IGBP1: variants seen among roughly 807,000 people sequenced by gnomAD.
IGBP1 encodes the protein immunoglobulin binding protein 1, also known as immunoglobulin-binding protein 1.
Under a neutral mutation model 25.9 loss-of-function variants are expected in IGBP1, and 2 were observed. The ratio of observed to expected loss-of-function variants is 0.08; its 90% CI spans 0.03 to 0.24. IGBP1 has a LOEUF of 0.24. Among genes scored for constraint, IGBP1 ranks in the 10% least tolerant of loss-of-function variants. The pLI is 1.00. For synonymous variants in IGBP1, 96 were observed against 93.4 expected (o/e 1.03, Z -0.16); for missense variants, 187 against 260.4 (o/e 0.72, Z 1.94).
rs912208549 is a variant in IGBP1 at position 70,133,504 on chromosome X, G to A, written c.-262G>A. 5.0e-5 allele frequency: 15 copies of A among 302,362 alleles called. No individual in the cohort carries two copies. Among genetic ancestry groups the A allele is most frequent in the African/African-American group, 4.1e-4 (15 of 36,700 alleles). 24.9% of individuals were successfully genotyped at this position (302,362 alleles called of 1,213,427 possible). On this transcript the variant is annotated 5_prime_UTR_variant, in exon 1 of 7. Transcript: ENST00000356413. ...CCGTGGGAGTGGTGCGGCGGCTAGA[G>A]TCCCTGGACTCCTCAACCTAGGGAG...
chrX:70,166,076 G>A lies in IGBP1; in HGVS notation c.*95G>A. ...CTCCCTGGTCTCCTGCTTCAGCTCT[G>A]TACAACGAGGGCAAAGATGCTAAAT... On this transcript the variant is annotated 3_prime_UTR_variant, in exon 7 of 7. Coordinates refer to ENST00000356413, the MANE Select transcript of IGBP1 (RefSeq NM_001551.3). The A allele has an allele frequency of 1.1e-6, 1 of 877,077 alleles. No homozygotes were observed. Among genetic ancestry groups the A allele is most frequent in the East Asian group, 3.2e-5 (1 of 31,351 alleles). 72.3% of individuals were successfully genotyped at this position (877,077 alleles called of 1,213,427 possible).
chrX:70,150,969 T>C (rs1170913078), intron 6 of IGBP1, among the ~76,000 whole-genome samples: 6 of 111,163 alleles, frequency 5.4e-5, no homozygotes, highest in African/African-American at 1.3e-4. Context: ...ACTTTTTTTT[T>C]TTTTTTTTGA....
At chrX:70,162,574 A>G (rs1397186933) in intron 6 of IGBP1, among the ~76,000 whole-genome samples, 1 of 112,689 alleles carries the variant, frequency 8.9e-6, no homozygotes, top group Non-Finnish European at 1.9e-5. Context: ...GAGGTTGATG[A>G]TAAGAAACTG....
chrX:70,133,695 G>A (rs1443082126), intron 1 of IGBP1, 28 bp from the exon 2 acceptor site: 5 of 436,317 alleles, frequency 1.1e-5, no homozygotes, highest in African/African-American at 9.9e-5. Flanking sequence ...AGCGCCTAGG[G>A]TTTTGCTTGT....
At chrX:70,154,325 G>A (rs1209907721) in intron 6 of IGBP1, among the ~76,000 whole-genome samples, 1 of 106,299 alleles carries the variant, frequency 9.4e-6, no homozygotes, top group African/African-American at 3.4e-5. Context: ...GCCCGCCTCG[G>A]CCTCCCAAAG....
At chrX:70,140,235 G>A (rs1007302707) in intron 3 of IGBP1, among the ~76,000 whole-genome samples, 1 of 112,063 alleles carries the variant, frequency 8.9e-6, no homozygotes, top group African/African-American at 3.2e-5. Flanking sequence ...ACTATGTTAT[G>A]CCTGCCATAG....
At position 70,140,209 on chromosome X, in the gene IGBP1, A is replaced by G. The variant is rs1184276798; in HGVS notation, c.482+5393A>G. ...TACAGTATATACTCTATGAGGGCAC[A>G]AGCCATTTCTTGTTCACTATGTTAT... is the stretch of plus-strand genomic sequence containing the variant. On this transcript the variant is annotated intron_variant, in intron 3 of 6. Transcript: ENST00000356413. Among the ~76,000 whole-genome samples, 4 of 112,421 alleles carry G rather than the reference A, an allele frequency of 3.6e-5. No individual in the cohort carries two copies. The East Asian group carries it at 1.1e-3, about 31-fold the overall frequency.
chrX:70,154,851 C>A (rs1275725842), intron 6 of IGBP1, among the ~76,000 whole-genome samples: 1 of 108,674 alleles, frequency 9.2e-6, no homozygotes, highest in Non-Finnish European at 1.9e-5. Context: ...GAGCTATTAT[C>A]GTGCCCCTGC....
At chrX:70,160,000 G>A (rs2085262588) in intron 6 of IGBP1, among the ~76,000 whole-genome samples, 1 of 111,442 alleles carries the variant, frequency 9.0e-6, no homozygotes, top group East Asian at 2.9e-4. Context: ...GGGTGCTATT[G>A]CCGTTTGGCC....
intron 4 of IGBP1, among the ~76,000 whole-genome samples, chrX:70,148,054 G>C (rs765721979): frequency 8.9e-6 from 1 of 111,888 alleles, no homozygotes; most frequent in Non-Finnish European, 1.9e-5. Flanking sequence ...CTTTGTGTGT[G>C]AGTTTTTTGT....
chrX:70,143,613 G>A (rs1267281780), intron 3 of IGBP1, among the ~76,000 whole-genome samples: 1 of 110,467 alleles, frequency 9.1e-6, no homozygotes, highest in Non-Finnish European at 1.9e-5. Flanking sequence ...TAGGGTAACA[G>A]GGAGTATTTC....
intron 3 of IGBP1, among the ~76,000 whole-genome samples, chrX:70,137,749 T>TAAA (rs2085103888): frequency 1.4e-4 from 2 of 14,171 alleles, no homozygotes; most frequent in Non-Finnish European, 2.9e-4. Context: ...CAAATAATTA[T>TAAA]ACAAAAAAAA....
intron 6 of IGBP1, among the ~76,000 whole-genome samples, chrX:70,158,417 A>G (rs377434289): frequency 8.9e-6 from 1 of 112,259 alleles, no homozygotes; most frequent in African/African-American, 3.2e-5. Flanking sequence ...TATTTCTTTA[A>G]TTCACATGAA....
intron 6 of IGBP1, among the ~76,000 whole-genome samples, chrX:70,154,806 A>C (rs1377272508): frequency 2.9e-5 from 3 of 101,769 alleles, no homozygotes; most frequent in Non-Finnish European, 5.9e-5. Flanking sequence ...CTGAGGTGGG[A>C]GGATTGCTTG....
chrX:70,159,767 AT>A (rs1486603967), intron 6 of IGBP1, among the ~76,000 whole-genome samples: 1 of 111,162 alleles, frequency 9.0e-6, no homozygotes, highest in Non-Finnish European at 1.9e-5. Flanking sequence ...CACAGTGGCA[AT>A]TCAGGCACCA....
At chrX:70,133,584 C>A in intron 1 of IGBP1, 44 bp downstream of exon 1, 3 of 396,980 alleles carry the variant, frequency 7.6e-6, no homozygotes, top group Admixed American at 4.9e-5. Flanking sequence ...ACTCGCTCGT[C>A]CGCACTCCTC....
At chrX:70,139,138 C>T (rs1376868945) in intron 3 of IGBP1, among the ~76,000 whole-genome samples, 4 of 110,345 alleles carry the variant, frequency 3.6e-5, no homozygotes, top group African/African-American at 1.3e-4. Flanking sequence ...GGCGAAACCC[C>T]ATCTCTACTA....
rs775830617 is a variant in IGBP1 at position 70,139,311 on chromosome X, C to CAA, written c.482+4511_482+4512dup. Among the ~76,000 whole-genome samples the CAA allele has an allele frequency of 2.1e-3, 82 of 39,422 alleles. 2 individuals are homozygous for CAA. Among genetic ancestry groups the CAA allele is most frequent in the African/African-American group, 6.2e-3 (61 of 9,800 alleles). The allele number at this position is 39,422 out of a possible 115,157, so 34.2% of individuals were successfully genotyped here. A position where few individuals can be genotyped will look rare whatever the true frequency, so the allele number is the denominator to read the frequency against. On this transcript the variant is annotated intron_variant, in intron 3 of 6. Coordinates refer to ENST00000356413, the MANE Select transcript of IGBP1 (RefSeq NM_001551.3). Reference sequence around the variant, plus strand: ...GGCTGGCAACAGCGAGACTCCGTCTCAAAAAAAAAAAAAAAAAGAAAAGAA... The same window carrying CAA: ...GGCTGGCAACAGCGAGACTCCGTCTCAAAAAAAAAAAAAAAAAAAGAAAAGAA...
intron 3 of IGBP1, among the ~76,000 whole-genome samples, chrX:70,145,033 CAA>C (rs779060279): frequency 1.0e-5 from 1 of 95,394 alleles, no homozygotes. Context: ...ATTTCTCAGC[CAA>C]AAAAAAAAAG....
Sources: allele counts gnomAD v4.1 joint callset (sites outside exome capture counted in the v4.1 genomes callset), GRCh38; gene constraint gnomAD v4.1.1; transcripts MANE v1.5; gene names NCBI Gene and HGNC (gene_info 2026-07-23, HGNC 2026-07-21).